Variants in F10 observed in about 807,000 individuals in gnomAD.
The protein encoded by F10 is coagulation factor X.
F10 carries 29 observed loss-of-function variants against 37.1 expected under a neutral mutation model. The observed-to-expected ratio is 0.78, with a 90% confidence interval of 0.58 to 1.07. The LOEUF (loss-of-function observed/expected upper bound fraction) is 1.07, where lower values mean the gene tolerates loss of function less well. F10 is among the 50% of genes least tolerant of loss of function. The probability of loss-of-function intolerance (pLI) is 0.00; values close to 1 mark genes in which losing one functional copy is unlikely to be tolerated. For missense variants in F10, 539 were observed against 667.9 expected (o/e 0.81, Z 2.13); for synonymous variants, 262 against 268.6 (o/e 0.98, Z 0.24).
chr13:113,130,392 TCCTCACC>T (rs111779761), intron 2 of F10: 3 of 153,298 alleles, frequency 2.0e-5, no homozygotes, highest in African/African-American at 4.8e-5. Flanking sequence ...GGTCTCGACT[TCCTCACC>T]CCAGGCATCA....
chr13:113,142,670 A>G (rs1054907392), intron 5 of F10, among the ~76,000 whole-genome samples: 2 of 148,470 alleles, frequency 1.3e-5, no homozygotes, highest in African/African-American at 4.9e-5. Context: ...TCACGCCTGT[A>G]ATCCCAGCAC....
At position 113,148,941 on chromosome 13, in the gene F10, G is replaced by A; in HGVS notation, c.891G>A (p.Glu297=). The part of the protein sequence containing the change: ...RVGDRNTEQE[E]GGEAVHEVEV... ...GGGACCGGAACACGGAGCAGGAGGAGGGCGGTGAGGCGGTGCACGAGGTGG... is the reference window on the plus strand; with the variant it reads ...GGGACCGGAACACGGAGCAGGAGGAAGGCGGTGAGGCGGTGCACGAGGTGG... The change falls in exon 8 of 8, where the codon GAG becomes GAA. Residue 297 remains glutamate, a synonymous_variant. Transcript: ENST00000375559. The A allele has an allele frequency of 6.2e-7, 1 of 1,613,482 alleles. No individual in the cohort carries two copies. Among genetic ancestry groups the A allele is most frequent in the South Asian group, 1.1e-5 (1 of 91,078 alleles).
At chr13:113,142,116 G>A (rs1351872922) in intron 5 of F10, among the ~76,000 whole-genome samples, 1 of 152,240 alleles carries the variant, frequency 6.6e-6, no homozygotes, top group East Asian at 1.9e-4. Flanking sequence ...GCAAGTGAAA[G>A]ACACTGTGGC....
chr13:113,130,684 G>T (rs3211744), intron 2 of F10: 19,156 of 152,576 alleles, frequency 0.13, 1,399 homozygotes, highest in Admixed American at 0.21. Context: ...GACATTACTC[G>T]CTTGCTTCAT....
At chr13:113,123,057 T>C in intron 1 of F10, 132 bp downstream of exon 1, 1 of 1,079,386 alleles carries the variant, frequency 9.3e-7, no homozygotes. Context: ...TGGGCTCGGA[T>C]GGCTGGGCTT....
Position 113,144,115 on chromosome 13 carries a change from T to C in F10, c.747+20T>C. On this transcript the variant is annotated intron_variant, in intron 6 of 7. Coordinates refer to ENST00000375559, the MANE Select transcript of F10 (RefSeq NM_000504.4). This position sits in a 1 kb window ranked among gnomAD's most constrained non-coding sequence, Gnocchi z 6.4. ...TGGCAGGTAACAGTAGGATGTCCCC[T>C]CGGGCCTGCTGGAGAGACCACCTGT... 6.2e-7 allele frequency: 1 copy of C among 1,613,012 alleles called. No homozygotes were observed.
rs2036560238 is a variant in F10, at chr13:113,144,231, C to T, written c.747+136C>T. 5 of 1,336,700 alleles carry T rather than the reference C, an allele frequency of 3.7e-6. No individual in the cohort carries two copies. 82.8% of individuals were successfully genotyped at this position (1,336,700 alleles called of 1,614,324 possible). A position where few individuals can be genotyped will look rare whatever the true frequency, so the allele number is the denominator to read the frequency against. ...GAACTAGGACAGAGGGGCTCCGCCA[C>T]CCAAGCCTGCCTGCCTGTCCCCTCC... is the stretch of plus-strand genomic sequence containing the variant. On this transcript the variant is annotated intron_variant, in intron 6 of 7. Transcript: ENST00000375559. The surrounding 1 kb of genome is among the most constrained non-coding windows in gnomAD (Gnocchi z 6.4).
At chr13:113,133,200 AAAAT>A (rs1223666973) in intron 2 of F10, among the ~76,000 whole-genome samples, 6 of 152,130 alleles carry the variant, frequency 3.9e-5, no homozygotes, top group African/African-American at 7.2e-5. Context: ...AAAAAAGAAA[AAAAT>A]AAACCAAAAG....
In F10 at chr13:113,141,099, A is replaced by G. The variant is rs1184551528; in HGVS notation, c.502+49A>G. Reference sequence around the variant, plus strand: ...CCACCCGCTGCCGCTGGGCCGGGCCAGGGAGGACAAGCCCGTGCCAGGGGG... The same window carrying G: ...CCACCCGCTGCCGCTGGGCCGGGCCGGGGAGGACAAGCCCGTGCCAGGGGG... On this transcript the variant is annotated intron_variant, in intron 5 of 7. Transcript: ENST00000375559. This position sits in a 1 kb window ranked among gnomAD's most constrained non-coding sequence, Gnocchi z 5.4. 2.5e-6 allele frequency: 4 copies of G among 1,608,848 alleles called. No homozygotes were observed. The African/African-American group carries it at 5.3e-5, about 21-fold the overall frequency.
At position 113,149,014 on chromosome 13, in the gene F10, G is replaced by A. The variant is rs121964942; in HGVS notation, c.964G>A (p.Asp322Asn). Residue 322 changes from aspartate to asparagine, a missense_variant, in exon 8 of 8, where the codon GAC becomes AAC. Asp to Asn is a conservative substitution (Grantham distance 23). This residue lies in a region of F10 where 409 missense variants were observed against 547.9 expected (regional missense o/e 0.75). Transcript: ENST00000375559. The surrounding 1 kb of genome is among the most constrained non-coding windows in gnomAD (Gnocchi z 7.5). ...GTTCACAAAGGAGACCTATGACTTC[G>A]ACATCGCCGTGCTCCGGCTCAAGAC... ...NRFTKETYDF[D>N]IAVLRLKTPI... 1.2e-6 allele frequency: 2 copies of A among 1,613,468 alleles called. No individual in the cohort carries two copies. The highest frequency in any genetic ancestry group is 1.7e-6 in the Non-Finnish European group (2 of 1,180,032).
At chr13:113,130,530 G>GCAA (rs1412551020) in intron 2 of F10, 1 of 152,402 alleles carries the variant, frequency 6.6e-6, no homozygotes, top group African/African-American at 2.4e-5. Flanking sequence ...AGCTCAGTGA[G>GCAA]CAACAGCTAG....
chr13:113,143,700 C>CT lies in F10; in HGVS notation c.503-151_503-150insT. ...CTGCAGATCCGACCCCTGCCGACGA[C>CT]GTGGGGCCTCGCCCTGCAAGCCCGC... is the stretch of plus-strand genomic sequence containing the variant. On this transcript the variant is annotated intron_variant, in intron 5 of 7. Transcript: ENST00000375559. This position sits in a 1 kb window ranked among gnomAD's most constrained non-coding sequence, Gnocchi z 6.8. 1.4e-5 allele frequency: 16 copies of CT among 1,143,860 alleles called. No individual in the cohort carries two copies. Among genetic ancestry groups the CT allele is most frequent in the Admixed American group, 9.9e-5 (4 of 40,564 alleles). 70.9% of individuals were successfully genotyped at this position (1,143,860 alleles called of 1,614,324 possible). A position where few individuals can be genotyped will look rare whatever the true frequency, so the allele number is the denominator to read the frequency against.
intron 2 of F10, 114 bp downstream of exon 2, chr13:113,129,726 C>A: frequency 1.4e-6 from 2 of 1,416,438 alleles, no homozygotes; most frequent in Non-Finnish European, 2.0e-6. Context: ...GCAGCGTGCG[C>A]GAAGGCTTTC....
In F10 at chr13:113,143,995, A is replaced by G. The variant is rs2036557553; in HGVS notation, c.647A>G (p.Asp216Gly). 1.9e-6 allele frequency: 3 copies of G among 1,613,470 alleles called. No homozygotes were observed. The highest frequency in any genetic ancestry group is 2.5e-6 in the Non-Finnish European group (3 of 1,179,946). ...ADLDPTENPF[D>G]LLDFNQTQPE... ...CTGGACCCCACCGAGAACCCCTTCG[A>G]CCTGCTTGACTTCAACCAGACGCAG... Residue 216 changes from aspartate (D) to glycine (G), a missense_variant, in exon 6 of 8, where the codon GAC (aspartate) becomes GGC (glycine). Asp to Gly is a moderately conservative substitution (Grantham distance 94, BLOSUM62 -1). Coordinates refer to ENST00000375559, the MANE Select transcript of F10 (RefSeq NM_000504.4). The surrounding 1 kb of genome is among the most constrained non-coding windows in gnomAD (Gnocchi z 6.8).
Position 113,144,960 on chromosome 13 carries a change from C to G in F10, c.747+865C>G, listed in dbSNP as rs553273598. Among the ~76,000 whole-genome samples the G allele has an allele frequency of 1.6e-4, 25 of 152,112 alleles. No individual in the cohort carries two copies. Among genetic ancestry groups the G allele is most frequent in the Middle Eastern group, 3.4e-3 (1 of 294 alleles). Reference sequence around the variant, plus strand: ...GTGGCGCGATCTCGGCTCACTGCAACCTCCACCTCCCAGGTTCATGTCATT... The same window carrying G: ...GTGGCGCGATCTCGGCTCACTGCAAGCTCCACCTCCCAGGTTCATGTCATT... On this transcript the variant is annotated intron_variant, in intron 6 of 7. Coordinates refer to ENST00000375559, the MANE Select transcript of F10 (RefSeq NM_000504.4). This position sits in a 1 kb window ranked among gnomAD's most constrained non-coding sequence, Gnocchi z 6.4.
intron 2 of F10, among the ~76,000 whole-genome samples, chr13:113,137,856 T>A (rs547138): frequency 0.56 from 85,624 of 152,024 alleles, 24,507 homozygotes; most frequent in South Asian, 0.66. Context: ...GCATGATCTC[T>A]TCTACAGCCT....
rs1461263819 is a variant in F10, at chr13:113,149,091, C to T, written c.1041C>T (p.Asp347=). 6.2e-7 allele frequency: 1 copy of T among 1,613,118 alleles called. No homozygotes were observed. The highest frequency in any genetic ancestry group is 8.5e-7 in the Non-Finnish European group (1 of 1,180,012). The change falls in exon 8 of 8, where the codon GAC becomes GAT. Residue 347 remains aspartate, a synonymous_variant. Coordinates refer to ENST00000375559, the MANE Select transcript of F10 (RefSeq NM_000504.4). This position sits in a 1 kb window ranked among gnomAD's most constrained non-coding sequence, Gnocchi z 7.5. ...CGCCTGCCTGCCTCCCCGAGCGTGA[C>T]TGGGCCGAGTCCACGCTGATGACGC... ...NVAPACLPER[D]WAESTLMTQK...
At chr13:113,148,824 TA>T in intron 7 of F10, 91 bp from the exon 8 acceptor site, 2 of 1,527,458 alleles carry the variant, frequency 1.3e-6, no homozygotes, top group South Asian at 1.3e-5. Flanking sequence ...ATTTTTAATT[TA>T]AAAAAATATA....
chr13:113,142,008 C>T (rs957981367), intron 5 of F10, among the ~76,000 whole-genome samples: 1 of 152,108 alleles, frequency 6.6e-6, no homozygotes, highest in African/African-American at 2.4e-5. Context: ...TCCTTCTTAC[C>T]GAAAACAATT....
Sources: gnomAD v4.1 joint callset for allele counts (sites outside exome capture counted in the v4.1 genomes callset) on GRCh38, gnomAD v4.1.1 for gene constraint, gnomAD v4.1.1 regional missense constraint, Gnocchi (gnomAD v3.1) non-coding constraint, MANE v1.5 for transcripts, NCBI Gene and HGNC (gene_info 2026-07-23, HGNC 2026-07-21) for gene names.